DNAL1: variants seen among roughly 807,000 people sequenced by gnomAD.
DNAL1 encodes the protein chromosome 14 open reading frame 168.
DNAL1 carries 17 observed loss-of-function variants against 29.4 expected under a neutral mutation model. The observed-to-expected ratio is 0.58, with a 90% CI of 0.40 to 0.87. The LOEUF is 0.87. DNAL1 is among the 40% of genes least tolerant of loss of function. The probability of loss-of-function intolerance (pLI) is 0.00; values close to 1 mark genes in which losing one functional copy is unlikely to be tolerated. For synonymous variants in DNAL1, 78 were observed against 76.3 expected (o/e 1.02, Z -0.12); for missense variants, 188 against 214.1 (o/e 0.88, Z 0.76).
At chr14:73,654,920 G>C in intron 2 of DNAL1, 35 bp downstream of exon 2, 1 of 1,530,828 alleles carries the variant, frequency 6.5e-7, no homozygotes, top group Non-Finnish European at 8.8e-7. Context: ...TTTAGAAACT[G>C]TACAAGGAAA....
chr14:73,668,763 G>A (rs529788672), intron 4 of DNAL1, among the ~76,000 whole-genome samples: 136 of 151,892 alleles, frequency 9.0e-4, no homozygotes, highest in Non-Finnish European at 1.8e-3. Context: ...TGCAACCTCC[G>A]CCTCCCAGGT....
intron 1 of DNAL1, chr14:73,651,134 TA>T (rs961712412): frequency 9.9e-5 from 15 of 151,974 alleles, no homozygotes; most frequent in African/African-American, 3.6e-4. Context: ...GACAATCTAA[TA>T]TTTTTTTTTC....
rs544693901 is a variant in DNAL1 at position 73,659,246 on chromosome 14, A to G, written c.152+290A>G. On this transcript the variant is annotated intron_variant, in intron 3 of 7. Transcript: ENST00000553645. ...GCATGATCTCGGCTCACTGCAACCTACGCCTCCCGGGTTCGAGCAGTTCTC... is the reference window on the plus strand; with the variant it reads ...GCATGATCTCGGCTCACTGCAACCTGCGCCTCCCGGGTTCGAGCAGTTCTC... Among the ~76,000 whole-genome samples, 398 of 148,922 alleles carry G rather than the reference A, an allele frequency of 2.7e-3. 2 individuals are homozygous for G. Among genetic ancestry groups the G allele is most frequent in the African/African-American group, 9.3e-3 (375 of 40,126 alleles).
At chr14:73,682,788 T>G (rs12885057) in intron 5 of DNAL1, among the ~76,000 whole-genome samples, 44,606 of 151,446 alleles carry the variant, frequency 0.29, 6,855 homozygotes, top group Middle Eastern at 0.42. Context: ...GTAACACACA[T>G]GGAGCCACCA....
intron 7 of DNAL1, among the ~76,000 whole-genome samples, chr14:73,693,545 T>C (rs1473649926): frequency 6.6e-6 from 1 of 151,244 alleles, no homozygotes; most frequent in South Asian, 2.1e-4. Flanking sequence ...ACAAACATAG[T>C]GTTGAATAAA....
intron 5 of DNAL1, among the ~76,000 whole-genome samples, chr14:73,674,659 A>T (rs1187088209): frequency 1.3e-5 from 2 of 152,194 alleles, no homozygotes; most frequent in Non-Finnish European, 2.9e-5. Flanking sequence ...CTCCCACCTC[A>T]GCCTCCTGAG....
intron 4 of DNAL1, among the ~76,000 whole-genome samples, chr14:73,671,108 C>T (rs946870609): frequency 9.9e-5 from 15 of 151,968 alleles, no homozygotes; most frequent in African/African-American, 3.6e-4. Flanking sequence ...TTTTAAATAC[C>T]AAATTTATTT....
chr14:73,645,080 A>G lies in DNAL1; in HGVS notation c.3+38A>G, dbSNP rs147417713. The G allele has an allele frequency of 5.9e-4, 938 of 1,602,802 alleles. 7 individuals are homozygous for G. The African/African-American group carries it at 0.011, about 19-fold the overall frequency. ...CGGGCCGCGTAGCCAAAGCTGAGAG[A>G]AGATTGGGAGTGGAAAAGGGTGACT... On this transcript the variant is annotated intron_variant, in intron 1 of 7. Transcript: ENST00000553645.
chr14:73,686,425 G>A (rs1012727311), intron 5 of DNAL1, among the ~76,000 whole-genome samples: 2 of 152,124 alleles, frequency 1.3e-5, no homozygotes, highest in African/African-American at 2.4e-5. Flanking sequence ...TGTATTATTG[G>A]CTGGGCACAG....
Position 73,662,461 on chromosome 14 carries a change from C to T in DNAL1, c.208+419C>T, listed in dbSNP as rs756854239. ...CCTCTGACTCTGTATTAGTTTCCTA[C>T]GGCTGCTGTAACTTGATGGCTTAAA... On this transcript the variant is annotated intron_variant, in intron 4 of 7. Transcript: ENST00000553645. Among the ~76,000 whole-genome samples the T allele has an allele frequency of 7.2e-5, 11 of 152,260 alleles. No homozygotes were observed. In the South Asian group the frequency reaches 8.3e-4, roughly 11 times the overall value.
chr14:73,675,850 A>G (rs1036802377), intron 5 of DNAL1, among the ~76,000 whole-genome samples: 1 of 151,786 alleles, frequency 6.6e-6, no homozygotes, highest in African/African-American at 2.4e-5. Context: ...CCCCGTCTCT[A>G]CTAAAAATAC....
chr14:73,688,646 G>T (rs1224990156), intron 6 of DNAL1, among the ~76,000 whole-genome samples: 1 of 152,086 alleles, frequency 6.6e-6, no homozygotes, highest in African/African-American at 2.4e-5. Context: ...GCAAAACTGT[G>T]TGATAAGTTC....
At chr14:73,646,036 C>A (rs1342225484) in intron 1 of DNAL1, among the ~76,000 whole-genome samples, 1 of 152,194 alleles carries the variant, frequency 6.6e-6, no homozygotes, top group African/African-American at 2.4e-5. Flanking sequence ...GTCATGCCTG[C>A]CCTCAACAAG....
chr14:73,680,021 A>G (rs908598959), intron 5 of DNAL1, among the ~76,000 whole-genome samples: 1 of 152,010 alleles, frequency 6.6e-6, no homozygotes, highest in African/African-American at 2.4e-5. Flanking sequence ...TGTTCTTTCT[A>G]TAAATTTCAG....
At chr14:73,680,258 A>G (rs1480754060) in intron 5 of DNAL1, among the ~76,000 whole-genome samples, 6 of 152,182 alleles carry the variant, frequency 3.9e-5, no homozygotes, top group Non-Finnish European at 4.4e-5. Flanking sequence ...ATATTTAGCT[A>G]GGCCACGGCT....
Position 73,699,788 on chromosome 14 carries a change from T to G in DNAL1, c.*3846T>G, listed in dbSNP as rs1203435609. 1 of 152,258 alleles carries G rather than the reference T, an allele frequency of 6.6e-6. No homozygotes were observed. The highest frequency in any genetic ancestry group is 2.4e-5 in the African/African-American group (1 of 41,470). The allele number at this position is 152,258 out of a possible 1,614,324, so 9.4% of individuals were successfully genotyped here. On this transcript the variant is annotated 3_prime_UTR_variant, in exon 8 of 8. Coordinates refer to ENST00000553645, the MANE Select transcript of DNAL1 (RefSeq NM_031427.4). ...GCCAACTTTATGATAGATTTTGCTT[T>G]GTCTCTAAAGTTTAATATTTTGAGT...
Position 73,697,070 on chromosome 14 carries a change from A to G in DNAL1, c.*1128A>G, listed in dbSNP as rs1892315435. 1 of 152,212 alleles carries G rather than the reference A, an allele frequency of 6.6e-6. No homozygotes were observed. The highest frequency in any genetic ancestry group is 2.4e-5 in the African/African-American group (1 of 41,450). 9.4% of individuals were successfully genotyped at this position (152,212 alleles called of 1,614,324 possible). On this transcript the variant is annotated 3_prime_UTR_variant, in exon 8 of 8. Transcript: ENST00000553645. ...GATTTAACCTCAAAATTGCAAAGCA[A>G]TAGTTAGATGCAGAGGTTAGAATTT...
At chr14:73,687,482 G>A (rs751191821) in intron 6 of DNAL1, 97 bp downstream of exon 6, 25 of 1,345,498 alleles carry the variant, frequency 1.9e-5, no homozygotes, top group South Asian at 6.3e-5. Context: ...TTATTTCTAA[G>A]CACAGAGAGA....
At position 73,671,739 on chromosome 14, in the gene DNAL1, A is replaced by G. The variant is rs45599532; in HGVS notation, c.264+142A>G. ...GGCTTTTGTGACATATTCTCAAGTT[A>G]CCCTTCAATAGGTTTGCAACAACCT... On this transcript the variant is annotated intron_variant, in intron 5 of 7. Transcript: ENST00000553645. 299,710 of 1,010,856 alleles carry G rather than the reference A, an allele frequency of 0.3. 49,521 individuals carry two copies. Among genetic ancestry groups the G allele is most frequent in the Non-Finnish European group, 0.34 (259,658 of 771,892 alleles). The allele number at this position is 1,010,856 out of a possible 1,614,324, so 62.6% of individuals were successfully genotyped here.
Sources: gnomAD v4.1 joint callset for allele counts (sites outside exome capture counted in the v4.1 genomes callset) on GRCh38, gnomAD v4.1.1 for gene constraint, MANE v1.5 for transcripts, NCBI Gene and HGNC (gene_info 2026-07-23, HGNC 2026-07-21) for gene names.